Variants in PPM1L observed in about 807,000 individuals in gnomAD.
The protein encoded by PPM1L is protein phosphatase 1L.
Under a neutral mutation model 31.4 loss-of-function variants are expected in PPM1L, and 13 were observed. The ratio of observed to expected loss-of-function variants is 0.41; its 90% CI spans 0.27 to 0.66. The LOEUF (loss-of-function observed/expected upper bound fraction) is 0.66. Ranked by LOEUF, PPM1L falls within the 30% of genes least tolerant of loss-of-function variation. The pLI is 0.29. For synonymous variants in PPM1L, 184 were observed against 175.4 expected (o/e 1.05, Z -0.39); for missense variants, 326 against 453.7 (o/e 0.72, Z 2.56).
intron 2 of PPM1L, among the ~76,000 whole-genome samples, chr3:160,973,646 T>C (rs1289914719): frequency 6.6e-6 from 1 of 152,122 alleles, no homozygotes; most frequent in African/African-American, 2.4e-5. Flanking sequence ...TCTGAAGATA[T>C]GTAATCATAG....
At position 160,766,744 on chromosome 3, in the gene PPM1L, GT is replaced by G. The variant is rs200642876; in HGVS notation, c.399+10050del. On this transcript the variant is annotated intron_variant, in intron 1 of 3. Coordinates refer to ENST00000498165, the MANE Select transcript of PPM1L (RefSeq NM_139245.4). ...TCTTGATCACTTGATCTCTCTGGAG[GT>G]TTTTTTTTTTTTCCCTTCTCTTTCT... 7.8e-3 allele frequency among the ~76,000 whole-genome samples: 1,112 copies of G among 142,302 alleles called. 17 individuals are homozygous for G. The highest frequency in any genetic ancestry group is 0.039 in the Admixed American group (561 of 14,326). 93.4% of individuals were successfully genotyped at this position (142,302 alleles called of 152,430 possible). A position where few individuals can be genotyped will look rare whatever the true frequency, so the allele number is the denominator to read the frequency against.
At chr3:161,042,976 C>T (rs574566862) in intron 2 of PPM1L, among the ~76,000 whole-genome samples, 24 of 149,822 alleles carry the variant, frequency 1.6e-4, no homozygotes, top group Non-Finnish European at 1.8e-4. Context: ...GCTGAGATCA[C>T]GCCAGTGCAC....
In PPM1L at chr3:161,075,801, TTC is replaced by T. The variant is rs1187698041; in HGVS notation, c.*6647_*6648del. ...TAACATTGAAGTGAGAAAATGAACA[TTC>T]TCAGTTATTTGCGAAGTTAGTAAAA... On this transcript the variant is annotated 3_prime_UTR_variant, in exon 4 of 4. Coordinates refer to ENST00000498165, the MANE Select transcript of PPM1L (RefSeq NM_139245.4). 1 of 152,220 alleles carries T rather than the reference TTC, an allele frequency of 6.6e-6. No individual in the cohort carries two copies. Among genetic ancestry groups the T allele is most frequent in the Non-Finnish European group, 1.5e-5 (1 of 68,040 alleles). The allele number at this position is 152,220 out of a possible 1,614,324, so 9.4% of individuals were successfully genotyped here.
At chr3:160,890,741 A>G (rs1280423492) in intron 1 of PPM1L, among the ~76,000 whole-genome samples, 1 of 152,228 alleles carries the variant, frequency 6.6e-6, no homozygotes, top group Non-Finnish European at 1.5e-5. Context: ...ACAAGACTAC[A>G]GTAACAAAAA....
chr3:160,984,189 A>AT (rs1716892915), intron 2 of PPM1L, among the ~76,000 whole-genome samples: 1 of 152,242 alleles, frequency 6.6e-6, no homozygotes, highest in Non-Finnish European at 1.5e-5. Context: ...CTACATCTGC[A>AT]TAAAGGCAGA....
At chr3:160,844,278 G>T (rs1714002556) in intron 1 of PPM1L, among the ~76,000 whole-genome samples, 1 of 152,050 alleles carries the variant, frequency 6.6e-6, no homozygotes, top group African/African-American at 2.4e-5. Context: ...GACTTTTAAG[G>T]GTATCCTTTA....
intron 2 of PPM1L, among the ~76,000 whole-genome samples, chr3:161,056,384 G>GT (rs1338325204): frequency 6.6e-6 from 1 of 152,118 alleles, no homozygotes; most frequent in Non-Finnish European, 1.5e-5. Flanking sequence ...TAACGGGATT[G>GT]TAAGTTCTAT....
intron 1 of PPM1L, among the ~76,000 whole-genome samples, chr3:160,820,094 A>T (rs929919975): frequency 2.0e-5 from 3 of 152,022 alleles, no homozygotes; most frequent in Admixed American, 6.6e-5. Flanking sequence ...AGGTGAGGAG[A>T]CCAGTTGGAG....
intron 2 of PPM1L, among the ~76,000 whole-genome samples, chr3:161,007,929 A>T (rs1218288957): frequency 6.6e-6 from 1 of 152,136 alleles, no homozygotes; most frequent in African/African-American, 2.4e-5. Context: ...GGTGGCTGAG[A>T]CCAGATGGTA....
chr3:160,961,858 G>T lies in PPM1L; in HGVS notation c.522G>T (p.Leu174Phe), dbSNP rs775383295. Residue 174 changes from leucine to phenylalanine, a missense_variant, in exon 2 of 4, where the codon TTG (leucine) becomes TTT (phenylalanine). Leu to Phe is a conservative substitution (Grantham distance 22). Coordinates refer to ENST00000498165, the MANE Select transcript of PPM1L (RefSeq NM_139245.4). ...AGACCATCCTTGAACAGCAGATTTT[G>T]TCAATTGACCGAGAAATGCTAGAAA... is the stretch of plus-strand genomic sequence containing the variant. ...SYQTILEQQI[L>F]SIDREMLEKL... 50 of 1,595,526 alleles carry T rather than the reference G, an allele frequency of 3.1e-5. No homozygotes were observed. Among genetic ancestry groups the T allele is most frequent in the Non-Finnish European group, 4.1e-5 (48 of 1,172,186 alleles).
At chr3:160,806,851 G>A (rs982307119) in intron 1 of PPM1L, among the ~76,000 whole-genome samples, 16 of 139,128 alleles carry the variant, frequency 1.2e-4, no homozygotes, top group East Asian at 4.2e-4. Flanking sequence ...AAAGAAGGAA[G>A]GGAGGGAAGG....
At chr3:161,036,594 G>T (rs1718748474) in intron 2 of PPM1L, among the ~76,000 whole-genome samples, 1 of 152,318 alleles carries the variant, frequency 6.6e-6, no homozygotes, top group African/African-American at 2.4e-5. Flanking sequence ...TATGTCTGTA[G>T]TCATAGAGTT....
intron 1 of PPM1L, among the ~76,000 whole-genome samples, chr3:160,877,427 C>T (rs947315112): frequency 7.9e-5 from 12 of 152,202 alleles, no homozygotes; most frequent in African/African-American, 2.9e-4. Flanking sequence ...TGACAGCTTT[C>T]TGTTGCTTTC....
At chr3:161,033,799 A>G (rs1271148954) in intron 2 of PPM1L, among the ~76,000 whole-genome samples, 2 of 152,206 alleles carry the variant, frequency 1.3e-5, no homozygotes, top group Non-Finnish European at 2.9e-5. Flanking sequence ...CTTCATGACT[A>G]AAACACCAAA....
chr3:160,828,173 T>C (rs1713412634), intron 1 of PPM1L, among the ~76,000 whole-genome samples: 1 of 152,022 alleles, frequency 6.6e-6, no homozygotes, highest in Non-Finnish European at 1.5e-5. Context: ...CTCAGTAGGT[T>C]AATGCTTCTT....
chr3:160,812,154 A>G (rs1003553696), intron 1 of PPM1L, among the ~76,000 whole-genome samples: 5 of 152,182 alleles, frequency 3.3e-5, no homozygotes, highest in Admixed American at 6.5e-5. Context: ...TCTGCACTGG[A>G]TACTTATCCA....
chr3:160,933,539 C>G (rs1576723421), intron 1 of PPM1L, among the ~76,000 whole-genome samples: 1 of 152,188 alleles, frequency 6.6e-6, no homozygotes, highest in Admixed American at 6.5e-5. Flanking sequence ...GCATCCCCCA[C>G]CTCCCTCTCT....
At chr3:160,911,719 A>G (rs947794407) in intron 1 of PPM1L, among the ~76,000 whole-genome samples, 16 of 152,222 alleles carry the variant, frequency 1.1e-4, no homozygotes, top group Admixed American at 6.5e-5. Flanking sequence ...CAAGCAAGAC[A>G]CAGCCTTTTC....
intron 1 of PPM1L, among the ~76,000 whole-genome samples, chr3:160,807,603 C>T (rs933485152): frequency 6.6e-6 from 1 of 152,122 alleles, no homozygotes; most frequent in Non-Finnish European, 1.5e-5. Context: ...GATAACGCAC[C>T]TGGAAGAAAA....
Sources: gnomAD v4.1 joint callset for allele counts (sites outside exome capture counted in the v4.1 genomes callset) on GRCh38, gnomAD v4.1.1 for gene constraint, MANE v1.5 for transcripts, NCBI Gene and HGNC (gene_info 2026-07-23, HGNC 2026-07-21) for gene names.